The following LHFPL3 variants were observed in gnomAD, a reference collection of about 807,000 sequenced individuals.
The protein encoded by LHFPL3 is LHFPL tetraspan subfamily member 3, also known as LHFPL tetraspan subfamily member 3 protein.
A neutral mutation model predicts 19.3 loss-of-function variants in LHFPL3; 5 were observed. The ratio of observed to expected loss-of-function variants is 0.26; its 90% CI spans 0.14 to 0.54. The LOEUF (loss-of-function observed/expected upper bound fraction) is 0.54. Ranked by LOEUF, LHFPL3 falls within the 20% of genes least tolerant of loss-of-function variation. The probability of loss-of-function intolerance (pLI) is 0.94; values close to 1 mark genes in which losing one functional copy is unlikely to be tolerated. For synonymous variants in LHFPL3, 133 were observed against 126.2 expected (o/e 1.05, Z -0.36); for missense variants, 249 against 307.4 (o/e 0.81, Z 1.42).
chr7:104,746,741 A>G (rs1178791527), intron 2 of LHFPL3, among the ~76,000 whole-genome samples: 2 of 152,216 alleles, frequency 1.3e-5, no homozygotes, highest in African/African-American at 2.4e-5. Flanking sequence ...CCTGATAGAG[A>G]TTTTATAAAA....
At chr7:104,357,774 CCTTCTCCTG>C (rs72182357) in intron 1 of LHFPL3, among the ~76,000 whole-genome samples, 6,087 of 151,810 alleles carry the variant, frequency 0.04, 394 homozygotes, top group African/African-American at 0.14. Flanking sequence ...TCCTCCTCCT[CCTTCTCCTG>C]CTCCTCCTTC....
intron 1 of LHFPL3, among the ~76,000 whole-genome samples, chr7:104,598,166 T>A (rs926864086): frequency 1.7e-4 from 26 of 152,190 alleles, no homozygotes; most frequent in African/African-American, 6.3e-4. Flanking sequence ...ACAAAATTAA[T>A]CCTGCTTGTG....
intron 1 of LHFPL3, among the ~76,000 whole-genome samples, chr7:104,437,049 A>G (rs1205113417): frequency 6.6e-6 from 1 of 152,158 alleles, no homozygotes; most frequent in Admixed American, 6.5e-5. Context: ...GTGCGATTAT[A>G]TTTTTTCAGA....
intron 1 of LHFPL3, among the ~76,000 whole-genome samples, chr7:104,512,817 A>G (rs1793845519): frequency 6.6e-6 from 1 of 152,204 alleles, no homozygotes; most frequent in Admixed American, 6.5e-5. Context: ...TGAGTATCAC[A>G]GAAGGCTTAC....
intron 1 of LHFPL3, among the ~76,000 whole-genome samples, chr7:104,687,745 AC>A (rs1792832680): frequency 6.6e-6 from 1 of 152,238 alleles, no homozygotes; most frequent in Non-Finnish European, 1.5e-5. Context: ...CTCAACAGGC[AC>A]CAGTATTGAT....
intron 2 of LHFPL3, among the ~76,000 whole-genome samples, chr7:104,763,033 G>A (rs1205441231): frequency 6.6e-6 from 1 of 152,216 alleles, no homozygotes; most frequent in East Asian, 1.9e-4. Context: ...GTGTGACAGA[G>A]TAATGACTTG....
At chr7:104,707,292 A>G (rs538479021) in intron 1 of LHFPL3, among the ~76,000 whole-genome samples, 8 of 152,350 alleles carry the variant, frequency 5.3e-5, no homozygotes, top group African/African-American at 1.4e-4. Context: ...ACTGAAAAGT[A>G]TATGTTGTCA....
At chr7:104,730,618 T>G (rs1353323839) in intron 1 of LHFPL3, among the ~76,000 whole-genome samples, 2 of 152,314 alleles carry the variant, frequency 1.3e-5, no homozygotes, top group East Asian at 3.9e-4. Context: ...TAAATTTGTT[T>G]GAGTTCTTTG....
intron 1 of LHFPL3, among the ~76,000 whole-genome samples, chr7:104,563,830 C>G (rs532026830): frequency 1.2e-4 from 18 of 152,140 alleles, no homozygotes; most frequent in Non-Finnish European, 2.2e-4. Context: ...TATAAGTCAC[C>G]CAATCTGTGA....
chr7:104,337,224 C>T (rs1004062982), intron 1 of LHFPL3, among the ~76,000 whole-genome samples: 2 of 151,998 alleles, frequency 1.3e-5, no homozygotes, highest in African/African-American at 4.8e-5. Context: ...ACAAATCCAG[C>T]TGTGAAGAAT....
intron 1 of LHFPL3, among the ~76,000 whole-genome samples, chr7:104,507,240 G>C (rs1368853749): frequency 2.7e-5 from 4 of 150,582 alleles, no homozygotes; most frequent in Non-Finnish European, 5.9e-5. Context: ...AAACAGCATG[G>C]TACTGGTACC....
intron 2 of LHFPL3, among the ~76,000 whole-genome samples, chr7:104,830,436 G>A (rs1254669378): frequency 1.3e-5 from 2 of 151,922 alleles, no homozygotes; most frequent in Non-Finnish European, 1.5e-5. Flanking sequence ...TATTGCCTAG[G>A]TTTGCTTCTA....
chr7:104,853,172 C>CCTA (rs1282681950), intron 2 of LHFPL3, among the ~76,000 whole-genome samples: 10 of 152,182 alleles, frequency 6.6e-5, no homozygotes, highest in Non-Finnish European at 1.5e-5. Flanking sequence ...GATCCAGTTA[C>CCTA]CTAGTAGAGA....
intron 2 of LHFPL3, among the ~76,000 whole-genome samples, chr7:104,869,279 A>AACT (rs1402910622): frequency 2.6e-5 from 4 of 152,252 alleles, no homozygotes; most frequent in African/African-American, 9.6e-5. Context: ...CAGCAAAAGA[A>AACT]ACTACCATCA....
chr7:104,745,402 A>G (rs1212989055), intron 2 of LHFPL3, among the ~76,000 whole-genome samples: 2 of 152,272 alleles, frequency 1.3e-5, no homozygotes, highest in East Asian at 3.8e-4. Flanking sequence ...TGAGAAAAAC[A>G]AAACTCTTCT....
rs571545728 is a variant in LHFPL3 at position 104,907,710 on chromosome 7, C to T, written c.*1495C>T. Among the ~76,000 whole-genome samples the T allele has an allele frequency of 1.1e-4, 16 of 152,288 alleles. No homozygotes were observed. The East Asian group carries it at 2.7e-3, about 26-fold the overall frequency. ...AAAATCAGAACAAATCAGTGTATAT[C>T]ACTAGAACATCAGATGGAGGATAAC... On this transcript the variant is annotated 3_prime_UTR_variant, in exon 3 of 3. Coordinates refer to ENST00000424859, the MANE Select transcript of LHFPL3 (RefSeq NM_199000.3).
At chr7:104,874,499 A>G (rs1303052972) in intron 2 of LHFPL3, among the ~76,000 whole-genome samples, 1 of 151,844 alleles carries the variant, frequency 6.6e-6, no homozygotes. Context: ...GGTTCAAGCA[A>G]TTCTCCTGTC....
intron 1 of LHFPL3, among the ~76,000 whole-genome samples, chr7:104,589,318 T>C (rs528324938): frequency 3.2e-4 from 48 of 152,210 alleles, no homozygotes; most frequent in Non-Finnish European, 6.2e-4. Context: ...GTTTTTAGCA[T>C]GAAGGGCTGT....
chr7:104,479,219 C>A (rs1346726467), intron 1 of LHFPL3, among the ~76,000 whole-genome samples: 1 of 152,184 alleles, frequency 6.6e-6, no homozygotes, highest in Non-Finnish European at 1.5e-5. Context: ...CCTTCATAGT[C>A]AGTGCTAACA....
Sources: allele counts gnomAD v4.1 joint callset (sites outside exome capture counted in the v4.1 genomes callset), GRCh38; gene constraint gnomAD v4.1.1; transcripts MANE v1.5; gene names NCBI Gene and HGNC (gene_info 2026-07-23, HGNC 2026-07-21).